The following RBFOX1 variants were observed in gnomAD, a reference collection of about 807,000 sequenced individuals.
The protein encoded by RBFOX1 is RNA binding protein fox-1 homolog 1.
A neutral mutation model predicts 57.7 loss-of-function variants in RBFOX1; 8 were observed. The observed-to-expected ratio is 0.14, with a 90% CI of 0.08 to 0.25. RBFOX1 has a LOEUF of 0.25. Ranked by LOEUF, RBFOX1 falls within the 10% of genes least tolerant of loss-of-function variation. The probability of loss-of-function intolerance (pLI) is 1.00; values close to 1 mark genes in which losing one functional copy is unlikely to be tolerated. For missense variants in RBFOX1, 611 were observed against 548.5 expected (o/e 1.11, Z -1.14); for synonymous variants, 326 against 222.4 (o/e 1.47, Z -4.15).
rs547609179 is a variant in RBFOX1 at position 7,317,325 on chromosome 16, T to G, written c.28-200822T>G. 7.9e-5 allele frequency among the ~76,000 whole-genome samples: 12 copies of G among 152,242 alleles called. 1 individual carries two copies. In the South Asian group the frequency reaches 2.5e-3, roughly 32 times the overall value. On this transcript the variant is annotated intron_variant, in intron 4 of 15. Transcript: ENST00000550418. ...TTGGTGAAGTCAGGTGGCACTGACC[T>G]GGGTGGTATGCAGCTTCATGGAAGT...
chr16:6,809,859 C>G (rs1184488957), intron 3 of RBFOX1, among the ~76,000 whole-genome samples: 3 of 152,084 alleles, frequency 2.0e-5, no homozygotes, highest in African/African-American at 7.2e-5. Context: ...ATTCACCAGT[C>G]CGGTGCCTTT....
chr16:7,071,252 G>A (rs78514890), intron 4 of RBFOX1, among the ~76,000 whole-genome samples: 1,531 of 152,230 alleles, frequency 0.01, 29 homozygotes, highest in African/African-American at 0.035. Context: ...ACCACTAGGA[G>A]AATAGTAATG....
chr16:6,745,702 A>C (rs1001236208), intron 3 of RBFOX1, among the ~76,000 whole-genome samples: 2 of 152,204 alleles, frequency 1.3e-5, no homozygotes, highest in African/African-American at 4.8e-5. Flanking sequence ...CTTAATGAGG[A>C]AATACTGGTG....
chr16:6,582,257 T>C (rs1675238849), intron 2 of RBFOX1, among the ~76,000 whole-genome samples: 1 of 152,232 alleles, frequency 6.6e-6, no homozygotes, highest in Admixed American at 6.5e-5. Flanking sequence ...ATTGAATTTA[T>C]GATTAGCTAT....
intron 3 of RBFOX1, among the ~76,000 whole-genome samples, chr16:5,829,988 C>G (rs1172065601): frequency 6.6e-6 from 1 of 152,176 alleles, no homozygotes; most frequent in Non-Finnish European, 1.5e-5. Flanking sequence ...TTTCCTTCCT[C>G]TTGCTTCCAG....
intron 3 of RBFOX1, among the ~76,000 whole-genome samples, chr16:5,820,135 T>A (rs2055791726): frequency 6.6e-6 from 1 of 152,224 alleles, no homozygotes; most frequent in Admixed American, 6.5e-5. Flanking sequence ...TAGGAAGTGG[T>A]TGTTGCTGTC....
intron 11 of RBFOX1, among the ~76,000 whole-genome samples, chr16:7,651,075 A>C (rs2064949846): frequency 6.6e-6 from 1 of 151,802 alleles, no homozygotes; most frequent in African/African-American, 2.4e-5. Flanking sequence ...GAATAAAAAA[A>C]GTTAAAAATA....
At chr16:5,297,632 A>G (rs1315805492) in intron 1 of RBFOX1, among the ~76,000 whole-genome samples, 1 of 151,978 alleles carries the variant, frequency 6.6e-6, no homozygotes, top group Non-Finnish European at 1.5e-5. Flanking sequence ...GGAGTTCCTT[A>G]TATATATTCT....
intron 2 of RBFOX1, among the ~76,000 whole-genome samples, chr16:6,654,316 A>G (rs1341948800): frequency 1.3e-5 from 2 of 152,182 alleles, no homozygotes; most frequent in African/African-American, 2.4e-5. Flanking sequence ...TTATTTTATG[A>G]GCTATCAGTT....
intron 4 of RBFOX1, among the ~76,000 whole-genome samples, chr16:7,087,491 A>AT (rs2060169461): frequency 6.8e-6 from 1 of 145,986 alleles, no homozygotes; most frequent in African/African-American, 2.5e-5. Context: ...CAAACCAAGA[A>AT]TTTGTTACCT....
chr16:6,488,292 G>A (rs1389346255), intron 2 of RBFOX1, among the ~76,000 whole-genome samples: 1 of 152,198 alleles, frequency 6.6e-6, no homozygotes, highest in Non-Finnish European at 1.5e-5. Flanking sequence ...GAAGATGTAA[G>A]TACTAGTTGG....
At chr16:5,556,564 A>G (rs1452119227) in intron 2 of RBFOX1, among the ~76,000 whole-genome samples, 1 of 152,190 alleles carries the variant, frequency 6.6e-6, no homozygotes, top group South Asian at 2.1e-4. Flanking sequence ...CGGCTGCCTG[A>G]AGTTTGAGGG....
intron 2 of RBFOX1, among the ~76,000 whole-genome samples, chr16:6,642,576 G>C (rs146125055): frequency 6.6e-6 from 1 of 151,676 alleles, no homozygotes; most frequent in African/African-American, 2.4e-5. Context: ...GAAGCCTCTT[G>C]TCCTCTCATA....
At chr16:7,049,465 T>TAAA (rs140418765) in intron 3 of RBFOX1, among the ~76,000 whole-genome samples, 9 of 148,738 alleles carry the variant, frequency 6.1e-5, no homozygotes, top group African/African-American at 2.2e-4. Flanking sequence ...AGAACAGTAA[T>TAAA]AAAAAAAAAA....
At chr16:6,615,781 G>C (rs964649207) in intron 2 of RBFOX1, among the ~76,000 whole-genome samples, 3 of 152,118 alleles carry the variant, frequency 2.0e-5, no homozygotes, top group African/African-American at 7.2e-5. Flanking sequence ...TGAGAAGTCA[G>C]CTCTGCCATT....
chr16:5,378,189 C>A (rs2066037470), intron 1 of RBFOX1, among the ~76,000 whole-genome samples: 1 of 151,614 alleles, frequency 6.6e-6, no homozygotes, highest in Admixed American at 6.5e-5. Flanking sequence ...TCAGCAACAG[C>A]TTCTCCTTGG....
At chr16:6,734,368 A>G (rs772589895) in intron 3 of RBFOX1, among the ~76,000 whole-genome samples, 1 of 152,228 alleles carries the variant, frequency 6.6e-6, no homozygotes, top group Non-Finnish European at 1.5e-5. Context: ...ATTGCTAATC[A>G]TTGATCGTAA....
intron 4 of RBFOX1, among the ~76,000 whole-genome samples, chr16:7,219,677 A>G (rs1011196628): frequency 6.6e-6 from 1 of 152,224 alleles, no homozygotes; most frequent in Non-Finnish European, 1.5e-5. Context: ...CCTCTGCCGT[A>G]TAGATCCCTG....
intron 10 of RBFOX1, among the ~76,000 whole-genome samples, chr16:7,611,005 G>C (rs1056518526): frequency 2.0e-5 from 3 of 152,124 alleles, no homozygotes; most frequent in Admixed American, 1.3e-4. Context: ...ATTTTTAGTA[G>C]GCTGGCTCTG....
Sources: allele counts gnomAD v4.1 joint callset (sites outside exome capture counted in the v4.1 genomes callset), GRCh38; gene constraint gnomAD v4.1.1; transcripts MANE v1.5; gene names NCBI Gene and HGNC (gene_info 2026-07-23, HGNC 2026-07-21).